Variants in GLT1D1 observed in about 807,000 individuals in gnomAD.
The protein encoded by GLT1D1 is glycosyltransferase 1 domain containing 1.
In GLT1D1, 21 loss-of-function variants were observed where a neutral mutation model predicts 28.7. The observed-to-expected ratio is 0.73, with a 90% CI of 0.52 to 1.05. GLT1D1 has a LOEUF of 1.05. GLT1D1 is among the 50% of genes least tolerant of loss of function. GLT1D1 has a pLI of 0.00. For missense variants in GLT1D1, 343 were observed against 330.6 expected (o/e 1.04, Z -0.29); for synonymous variants, 147 against 124.8 (o/e 1.18, Z -1.19).
At chr12:128,894,453 T>C (rs1593095169) in intron 3 of GLT1D1, among the ~76,000 whole-genome samples, 1 of 152,336 alleles carries the variant, frequency 6.6e-6, no homozygotes, top group South Asian at 2.1e-4. Context: ...TTTTTCCATT[T>C]GCACTGCGTC....
chr12:128,883,855 A>C (rs1262153154), intron 2 of GLT1D1, among the ~76,000 whole-genome samples: 1 of 152,180 alleles, frequency 6.6e-6, no homozygotes. Flanking sequence ...CATAAATAAG[A>C]GAATCTTCTA....
At chr12:128,975,567 C>T (rs1473846716) in intron 7 of GLT1D1, among the ~76,000 whole-genome samples, 2 of 152,232 alleles carry the variant, frequency 1.3e-5, no homozygotes, top group Non-Finnish European at 2.9e-5. Context: ...CATCCTGCCT[C>T]AGCCTCTGGA....
In GLT1D1 at chr12:128,880,558, G is replaced by A. The variant is rs146660672; in HGVS notation, c.217+4496G>A. On this transcript the variant is annotated intron_variant, in intron 2 of 7. Transcript: ENST00000281703. ...GTAAGAAGAGCTGTCCCTGTGCACC[G>A]TGAGGTTTTCACTTAGCAAAGTATC... Among the ~76,000 whole-genome samples, 846 of 152,272 alleles carry A rather than the reference G, an allele frequency of 5.6e-3. 6 individuals are homozygous for A. The highest frequency in any genetic ancestry group is 0.019 in the African/African-American group (803 of 41,542).
chr12:128,889,683 C>A (rs1336016600), intron 3 of GLT1D1, among the ~76,000 whole-genome samples: 1 of 152,230 alleles, frequency 6.6e-6, no homozygotes, highest in Non-Finnish European at 1.5e-5. Context: ...CCCGCACTGT[C>A]CCCCAGCGGA....
At chr12:128,865,822 GAAAACAAAAC>G (rs540297094) in intron 1 of GLT1D1, among the ~76,000 whole-genome samples, 1 of 151,384 alleles carries the variant, frequency 6.6e-6, no homozygotes, top group Admixed American at 6.6e-5. Context: ...ACTCTGCCAC[GAAAACAAAAC>G]AAAACAAAAC....
At chr12:128,899,841 C>T (rs757410528) in intron 4 of GLT1D1, among the ~76,000 whole-genome samples, 4 of 152,202 alleles carry the variant, frequency 2.6e-5, no homozygotes, top group South Asian at 4.2e-4. Context: ...CATGAGCCAC[C>T]GAACCTGGCC....
At chr12:128,892,787 A>G (rs1006537093) in intron 3 of GLT1D1, among the ~76,000 whole-genome samples, 5 of 151,868 alleles carry the variant, frequency 3.3e-5, no homozygotes, top group African/African-American at 9.7e-5. Context: ...TTTTTTTTCT[A>G]TATTATATAG....
chr12:128,901,657 G>A (rs1468856418), intron 4 of GLT1D1, among the ~76,000 whole-genome samples: 2 of 150,830 alleles, frequency 1.3e-5, no homozygotes, highest in Non-Finnish European at 2.9e-5. Flanking sequence ...GGCTGGTCTC[G>A]AACTCCCGAC....
intron 3 of GLT1D1, among the ~76,000 whole-genome samples, chr12:128,893,821 G>A (rs1213964005): frequency 6.6e-6 from 1 of 152,100 alleles, no homozygotes; most frequent in Admixed American, 6.6e-5. Flanking sequence ...CCTGACCACA[G>A]TGATCCACCT....
intron 7 of GLT1D1, among the ~76,000 whole-genome samples, chr12:128,978,441 C>T (rs1448197149): frequency 6.6e-6 from 1 of 152,178 alleles, no homozygotes; most frequent in Non-Finnish European, 1.5e-5. Context: ...TGTGCGGCAT[C>T]GTCCTGAGGT....
chr12:128,948,793 C>T (rs542481646), intron 6 of GLT1D1, among the ~76,000 whole-genome samples: 2 of 152,244 alleles, frequency 1.3e-5, no homozygotes, highest in South Asian at 4.2e-4. Flanking sequence ...AAAAAATCCT[C>T]TCCTTACATT....
chr12:128,912,106 G>A (rs971418808), intron 4 of GLT1D1, among the ~76,000 whole-genome samples: 9 of 152,150 alleles, frequency 5.9e-5, no homozygotes, highest in Non-Finnish European at 8.8e-5. Flanking sequence ...CATGCTCTCT[G>A]GCTGAACTTC....
intron 7 of GLT1D1, among the ~76,000 whole-genome samples, chr12:128,977,760 CTTTTCTTTTTTCTTTTTTCT>C (rs1879902573): frequency 2.2e-5 from 2 of 90,574 alleles, no homozygotes; most frequent in Non-Finnish European, 4.7e-5. Context: ...CTTGTGAGTT[CTTTTCTTTTTTCTTTTTTCT>C]TTTTTTTTTT....
At chr12:128,947,777 G>C (rs886190065) in intron 6 of GLT1D1, among the ~76,000 whole-genome samples, 8 of 152,192 alleles carry the variant, frequency 5.3e-5, no homozygotes, top group African/African-American at 1.9e-4. Context: ...ACAGGAAACA[G>C]ATTGAAGGTA....
Position 128,983,031 on chromosome 12 carries a change from G to A in GLT1D1, c.742G>A (p.Val248Met), listed in dbSNP as rs1021028404. 6.2e-7 allele frequency: 1 copy of A among 1,614,168 alleles called. No individual in the cohort carries two copies. Among genetic ancestry groups the A allele is most frequent in the Non-Finnish European group, 8.5e-7 (1 of 1,180,018 alleles). ...CGTGAGAATGTATCATTCATGGCAG[G>A]TGGAAAGAGACACCTACCAACAGCT... The change falls in exon 8 of 8, where the codon GTG (valine) becomes ATG (methionine). Residue 248 changes from valine to methionine, a missense_variant. Transcript: ENST00000281703. This position sits in a 1 kb window ranked among gnomAD's most constrained non-coding sequence, Gnocchi z 4.7.
At chr12:128,982,905 C>T in intron 7 of GLT1D1, 24 bp from the exon 12 acceptor site, 1 of 1,612,028 alleles carries the variant, frequency 6.2e-7, no homozygotes, top group Non-Finnish European at 8.5e-7. Flanking sequence ...TGATTTATGT[C>T]TACTTCTCCT....
At chr12:128,906,086 TGCATCAACCTCCTA>T (rs1463445329) in intron 4 of GLT1D1, among the ~76,000 whole-genome samples, 1 of 152,122 alleles carries the variant, frequency 6.6e-6, no homozygotes, top group African/African-American at 2.4e-5. Context: ...GTAGTTCTCC[TGCATCAACCTCCTA>T]AAATGCTAGA....
intron 1 of GLT1D1, among the ~76,000 whole-genome samples, chr12:128,869,016 T>C (rs1956617816): frequency 1.3e-5 from 2 of 151,910 alleles, no homozygotes; most frequent in Admixed American, 1.3e-4. Context: ...ATTATAGGCA[T>C]GCACTACCAC....
chr12:128,970,734 G>T (rs1310068168), intron 7 of GLT1D1, among the ~76,000 whole-genome samples: 4 of 152,240 alleles, frequency 2.6e-5, no homozygotes, highest in African/African-American at 9.6e-5. Flanking sequence ...CACCTTGGAA[G>T]GACTTTTCGT....
Sources: gnomAD v4.1 joint callset for allele counts (sites outside exome capture counted in the v4.1 genomes callset) on GRCh38, gnomAD v4.1.1 for gene constraint, Gnocchi (gnomAD v3.1) non-coding constraint, MANE v1.5 for transcripts, NCBI Gene and HGNC (gene_info 2026-07-23, HGNC 2026-07-21) for gene names.